ZMAT4: variants seen among roughly 807,000 people sequenced by gnomAD.
ZMAT4 encodes zinc finger matrin-type protein 4.
Under a neutral mutation model 28.7 loss-of-function variants are expected in ZMAT4, and 17 were observed. The observed-to-expected ratio is 0.59, with a 90% CI of 0.41 to 0.89. The LOEUF (loss-of-function observed/expected upper bound fraction) is 0.89, where lower values mean the gene tolerates loss of function less well. ZMAT4 is among the 40% of genes least tolerant of loss of function. ZMAT4 has a pLI of 0.00. For missense variants in ZMAT4, 240 were observed against 283.8 expected (o/e 0.85, Z 1.11); for synonymous variants, 117 against 109.2 (o/e 1.07, Z -0.44).
At chr8:40,735,491 A>T (rs953553715) in intron 3 of ZMAT4, among the ~76,000 whole-genome samples, 2 of 152,202 alleles carry the variant, frequency 1.3e-5, no homozygotes, top group African/African-American at 2.4e-5. Flanking sequence ...AGAATAGTCC[A>T]TTTTCAGACA....
chr8:40,778,495 A>G (rs936576144), intron 2 of ZMAT4, among the ~76,000 whole-genome samples: 4 of 152,214 alleles, frequency 2.6e-5, no homozygotes, highest in Non-Finnish European at 4.4e-5. Context: ...TCACCAGTGC[A>G]GCTGGGGCCA....
chr8:40,894,622 T>C (rs905624946), intron 1 of ZMAT4, among the ~76,000 whole-genome samples: 1 of 152,078 alleles, frequency 6.6e-6, no homozygotes, highest in African/African-American at 2.4e-5. Flanking sequence ...GGTGAATACA[T>C]TTCAGGGTCT....
intron 1 of ZMAT4, among the ~76,000 whole-genome samples, chr8:40,839,024 G>A (rs1340205706): frequency 1.3e-5 from 2 of 152,182 alleles, no homozygotes; most frequent in African/African-American, 4.8e-5. Context: ...AATGTACCCT[G>A]TACATAAAAG....
chr8:40,581,009 T>G (rs1006617192), intron 6 of ZMAT4, among the ~76,000 whole-genome samples, 156 bp downstream of exon 6: 1 of 152,198 alleles, frequency 6.6e-6, no homozygotes, highest in African/African-American at 2.4e-5. Flanking sequence ...GAAGAAGCCA[T>G]TCTTCAAGTA....
At chr8:40,760,706 GTCTC>G (rs56024719) in intron 3 of ZMAT4, among the ~76,000 whole-genome samples, 369 of 142,524 alleles carry the variant, frequency 2.6e-3, no homozygotes, top group African/African-American at 8.2e-3. Flanking sequence ...CTCTGTCACA[GTCTC>G]TCTCTCTCTC....
rs1816002873 is a variant in ZMAT4 at position 40,825,555 on chromosome 8, G to A, written c.102+20C>T. 2 of 1,548,448 alleles carry A rather than the reference G, an allele frequency of 1.3e-6. No individual in the cohort carries two copies. Among genetic ancestry groups the A allele is most frequent in the Non-Finnish European group, 1.7e-6 (2 of 1,144,952 alleles). ...GCTCCCTCCTACATTTGCAAACAGA[G>A]TGGGAAACGCTGTCCTTACCTCGTA... On this transcript the variant is annotated intron_variant, in intron 2 of 6. Transcript: ENST00000297737.
intron 2 of ZMAT4, among the ~76,000 whole-genome samples, chr8:40,801,352 A>ATATATATATATATG (rs1554559753): frequency 2.2e-4 from 16 of 72,144 alleles, no homozygotes; most frequent in Non-Finnish European, 3.8e-4. Context: ...AAAAAAAAAA[A>ATATATATATATATG]TATATATATA....
At chr8:40,691,782 A>G (rs1000662192) in intron 4 of ZMAT4, among the ~76,000 whole-genome samples, 2 of 152,268 alleles carry the variant, frequency 1.3e-5, no homozygotes, top group Non-Finnish European at 2.9e-5. Flanking sequence ...CCGTCACTTT[A>G]CCTTTAACAA....
rs1258024730 is a variant in ZMAT4 at position 40,802,427 on chromosome 8, C to A, written c.102+23148G>T. The stretch of plus-strand genomic sequence containing the variant: ...TAAAAGTCTATTATTTTTCTATAAC[C>A]AACAGCAAGTGAAATTTGAAATCAA... On this transcript the variant is annotated intron_variant, in intron 2 of 6. Coordinates refer to ENST00000297737, the MANE Select transcript of ZMAT4 (RefSeq NM_024645.3). Among the ~76,000 whole-genome samples the A allele has an allele frequency of 3.3e-5, 5 of 152,028 alleles. No individual in the cohort carries two copies. The East Asian group carries it at 9.7e-4, about 29-fold the overall frequency.
chr8:40,594,261 A>G (rs1400184735), intron 5 of ZMAT4, among the ~76,000 whole-genome samples: 1 of 152,184 alleles, frequency 6.6e-6, no homozygotes, highest in Non-Finnish European at 1.5e-5. Flanking sequence ...ATAGAAACAT[A>G]CCTGACCTCA....
At chr8:40,648,528 A>C (rs960368283) in intron 5 of ZMAT4, among the ~76,000 whole-genome samples, 1 of 148,952 alleles carries the variant, frequency 6.7e-6, no homozygotes, top group Admixed American at 6.8e-5. Context: ...GAACTTCCCC[A>C]ATCTAGCAAG....
At chr8:40,787,552 T>C (rs1482568949) in intron 2 of ZMAT4, among the ~76,000 whole-genome samples, 2 of 152,252 alleles carry the variant, frequency 1.3e-5, no homozygotes, top group Non-Finnish European at 2.9e-5. Context: ...AGAACTTTCA[T>C]GTTTTCACTT....
chr8:40,541,399 T>A (rs1338082344), intron 6 of ZMAT4, among the ~76,000 whole-genome samples: 1 of 152,152 alleles, frequency 6.6e-6, no homozygotes, highest in Non-Finnish European at 1.5e-5. Flanking sequence ...GATTTCACAA[T>A]TCTCCCCTCA....
At chr8:40,669,693 A>G (rs1162945545) in intron 5 of ZMAT4, among the ~76,000 whole-genome samples, 3 of 152,220 alleles carry the variant, frequency 2.0e-5, no homozygotes, top group Admixed American at 6.5e-5. Flanking sequence ...TTAATCAACT[A>G]TGTTATTGGT....
chr8:40,759,152 C>T (rs1047246193), intron 3 of ZMAT4, among the ~76,000 whole-genome samples: 3 of 151,696 alleles, frequency 2.0e-5, no homozygotes, highest in African/African-American at 7.3e-5. Flanking sequence ...CATGGAGGTG[C>T]GGGCCTGTAA....
At chr8:40,871,510 T>C (rs930132605) in intron 1 of ZMAT4, among the ~76,000 whole-genome samples, 3 of 152,150 alleles carry the variant, frequency 2.0e-5, no homozygotes, top group Non-Finnish European at 2.9e-5. Flanking sequence ...AGTTGCAATA[T>C]ACAAGGAATT....
chr8:40,535,802 T>TC (rs1802827873), intron 6 of ZMAT4, among the ~76,000 whole-genome samples: 2 of 152,140 alleles, frequency 1.3e-5, no homozygotes, highest in Admixed American at 6.6e-5. Context: ...GATTAATTGG[T>TC]CCCACACTGA....
At chr8:40,730,386 C>G (rs1028167947) in intron 3 of ZMAT4, among the ~76,000 whole-genome samples, 3 of 152,262 alleles carry the variant, frequency 2.0e-5, no homozygotes, top group African/African-American at 7.2e-5. Context: ...TTAAATCTAT[C>G]CCTCATTTGG....
chr8:40,718,362 C>A (rs1002596556), intron 3 of ZMAT4, among the ~76,000 whole-genome samples: 16 of 152,176 alleles, frequency 1.1e-4, no homozygotes, highest in Non-Finnish European at 1.5e-4. Context: ...CTGCTTTGGG[C>A]CCAAATGAAC....
Sources: gnomAD v4.1 joint callset for allele counts (sites outside exome capture counted in the v4.1 genomes callset) on GRCh38, gnomAD v4.1.1 for gene constraint, MANE v1.5 for transcripts, NCBI Gene and HGNC (gene_info 2026-07-23, HGNC 2026-07-21) for gene names.